PCDHA9: variants seen among roughly 807,000 people sequenced by gnomAD.
PCDHA9 encodes protocadherin alpha 9.
PCDHA9 carries 62 observed loss-of-function variants against 62.0 expected under a neutral mutation model. The ratio of observed to expected loss-of-function variants is 1.00; its 90% CI spans 0.81 to 1.23. The LOEUF is 1.23. Among genes scored for constraint, PCDHA9 ranks in the 50% most tolerant of loss-of-function variants. The pLI is 0.00. For synonymous variants in PCDHA9, 557 were observed against 567.6 expected, an observed-to-expected ratio of 0.98 and a Z score of 0.27; for missense variants, 1,205 against 1,249.8, an observed-to-expected ratio of 0.96 and a Z score of 0.54.
intron 1 of PCDHA9, chr5:140,870,676 G>C (rs561705674): frequency 1.9e-6 from 3 of 1,612,584 alleles, no homozygotes; most frequent in Non-Finnish European, 2.5e-6. Flanking sequence ...GTTGGACCAC[G>C]AGGAGCTGGA....
At chr5:140,860,563 A>G (rs1332482786) in intron 1 of PCDHA9, 4 of 152,330 alleles carry the variant, frequency 2.6e-5, no homozygotes, top group Admixed American at 1.3e-4. Flanking sequence ...AGAGGTACTG[A>G]TCATACACAA....
chr5:140,998,987 G>A (rs1381033392), intron 3 of PCDHA9, among the ~76,000 whole-genome samples: 1 of 152,234 alleles, frequency 6.6e-6, no homozygotes. Context: ...ATAGTAGAAA[G>A]CAGAATGCTG....
intron 1 of PCDHA9, chr5:140,969,383 C>G: frequency 6.3e-7 from 1 of 1,597,986 alleles, no homozygotes; most frequent in Non-Finnish European, 8.5e-7. Context: ...TGTTACACAT[C>G]CCCCAATATC....
At chr5:140,934,437 T>C (rs950173265) in intron 1 of PCDHA9, among the ~76,000 whole-genome samples, 4 of 152,298 alleles carry the variant, frequency 2.6e-5, no homozygotes, top group Admixed American at 6.5e-5. Context: ...AGTGTAAATA[T>C]AGTGAAAAAT....
intron 1 of PCDHA9, among the ~76,000 whole-genome samples, chr5:140,941,255 C>CTTTCTTTCTT (rs782490896): frequency 0.012 from 539 of 44,464 alleles, 5 homozygotes; most frequent in Middle Eastern, 0.036. Context: ...TTCTTTCTTT[C>CTTTCTTTCTT]TCTTTCTTTC....
At chr5:141,000,410 TATATA>T in intron 3 of PCDHA9, among the ~76,000 whole-genome samples, 1 of 101,974 alleles carries the variant, frequency 9.8e-6, no homozygotes, top group African/African-American at 3.9e-5. Context: ...TATATATATA[TATATA>T]TATATATTTT....
intron 1 of PCDHA9, chr5:140,968,939 A>G: frequency 6.2e-7 from 1 of 1,614,164 alleles, no homozygotes; most frequent in South Asian, 1.1e-5. Flanking sequence ...GACAATCATC[A>G]TTTTGAGCAT....
intron 1 of PCDHA9, chr5:140,868,533 C>T (rs1265642890): frequency 6.6e-6 from 1 of 152,534 alleles, no homozygotes; most frequent in African/African-American, 2.4e-5. Context: ...GAAAGTAAAA[C>T]AATTCAAATT....
intron 1 of PCDHA9, among the ~76,000 whole-genome samples, chr5:140,919,522 C>CT (rs1554199133): frequency 6.6e-6 from 1 of 152,000 alleles, no homozygotes; most frequent in African/African-American, 2.4e-5. Context: ...TTTTAATTCT[C>CT]TTTTTTTCCT....
At chr5:140,900,673 A>T (rs936784929) in intron 1 of PCDHA9, among the ~76,000 whole-genome samples, 6 of 152,210 alleles carry the variant, frequency 3.9e-5, no homozygotes, top group African/African-American at 1.4e-4. Context: ...GAGTGCAGTT[A>T]TCTCTTCAAT....
At chr5:140,968,660 C>T in intron 1 of PCDHA9, 1 of 1,614,166 alleles carries the variant, frequency 6.2e-7, no homozygotes, top group Non-Finnish European at 8.5e-7. Flanking sequence ...TGACCTGGAC[C>T]TCTTTAAGGT....
chr5:140,985,505 T>C (rs2097155238), intron 3 of PCDHA9, among the ~76,000 whole-genome samples: 1 of 152,188 alleles, frequency 6.6e-6, no homozygotes, highest in Non-Finnish European at 1.5e-5. Flanking sequence ...CTGCCTTTCA[T>C]TGATTCTGTT....
intron 3 of PCDHA9, among the ~76,000 whole-genome samples, chr5:140,985,509 T>C (rs6886977): frequency 1.5e-3 from 223 of 152,280 alleles, no homozygotes; most frequent in African/African-American, 4.4e-3. Context: ...CTTTCATTGA[T>C]TCTGTTGCCC....
chr5:140,871,269 G>T, intron 1 of PCDHA9: 3 of 1,613,952 alleles, frequency 1.9e-6, no homozygotes, highest in Non-Finnish European at 2.5e-6. Context: ...CGCTGTGGTG[G>T]TCGGCAACGC....
intron 1 of PCDHA9, among the ~76,000 whole-genome samples, chr5:140,917,405 T>C (rs2153543748): frequency 6.6e-6 from 1 of 152,162 alleles, no homozygotes; most frequent in South Asian, 2.1e-4. Flanking sequence ...AGCTCTTTAG[T>C]TTAATTAGGC....
At chr5:140,991,505 G>T (rs2097456335) in intron 3 of PCDHA9, among the ~76,000 whole-genome samples, 1 of 152,180 alleles carries the variant, frequency 6.6e-6, no homozygotes, top group Admixed American at 6.5e-5. Context: ...AGTTTCACTG[G>T]CTAAAATCAA....
intron 1 of PCDHA9, chr5:140,928,860 G>A: frequency 1.2e-6 from 2 of 1,614,154 alleles, no homozygotes; most frequent in Non-Finnish European, 1.7e-6. Flanking sequence ...GTGTGCTGTT[G>A]AGCAACTCTG....
chr5:141,006,127 C>CA (rs2098257011), intron 3 of PCDHA9, among the ~76,000 whole-genome samples: 1 of 147,760 alleles, frequency 6.8e-6, no homozygotes, highest in Admixed American at 6.7e-5. Flanking sequence ...TTTCTCAAGG[C>CA]AGTAGAAAGC....
intron 1 of PCDHA9, among the ~76,000 whole-genome samples, chr5:140,874,815 A>T (rs2055116009): frequency 6.6e-6 from 1 of 152,262 alleles, no homozygotes; most frequent in Non-Finnish European, 1.5e-5. Context: ...AAGACAATTT[A>T]TATAAATGAA....
Sources: gnomAD v4.1 joint callset for allele counts (sites outside exome capture counted in the v4.1 genomes callset) on GRCh38, gnomAD v4.1.1 for gene constraint, MANE v1.5 for transcripts, NCBI Gene and HGNC (gene_info 2026-07-23, HGNC 2026-07-21) for gene names.